CRADD: variants seen among roughly 807,000 people sequenced by gnomAD.
CRADD encodes death domain-containing protein CRADD.
A neutral mutation model predicts 15.5 loss-of-function variants in CRADD; 9 were observed. That is an observed-to-expected ratio of 0.58 (90% CI 0.35 to 1.01). The LOEUF (loss-of-function observed/expected upper bound fraction) is 1.01. CRADD is among the 50% of genes least tolerant of loss of function. The pLI is 0.02. For synonymous variants in CRADD, 118 were observed against 107.6 expected (o/e 1.10, Z -0.60); for missense variants, 227 against 250.3 (o/e 0.91, Z 0.63).
intron 2 of CRADD, among the ~76,000 whole-genome samples, chr12:93,718,302 C>T (rs2196425): frequency 0.17 from 26,205 of 152,138 alleles, 2,958 homozygotes; most frequent in East Asian, 0.39. Context: ...CATGGGATAT[C>T]TGTTTATTCA....
chr12:93,767,513 C>T (rs1046522363), intron 2 of CRADD, among the ~76,000 whole-genome samples: 3 of 152,170 alleles, frequency 2.0e-5, no homozygotes, highest in African/African-American at 7.2e-5. Flanking sequence ...TGTGTCAGGT[C>T]CTGTGTTTAG....
chr12:93,847,551 C>A (rs1318826434), intron 2 of CRADD, among the ~76,000 whole-genome samples: 1 of 112,694 alleles, frequency 8.9e-6, no homozygotes, highest in African/African-American at 3.3e-5. Context: ...ACCCAAATGA[C>A]TCAAATCAGA....
At chr12:93,847,874 GTA>G (rs1479140885) in intron 2 of CRADD, among the ~76,000 whole-genome samples, 3 of 152,160 alleles carry the variant, frequency 2.0e-5, no homozygotes, top group Non-Finnish European at 2.9e-5. Context: ...TTGTGTGTGT[GTA>G]TGTTTTCAAG....
intron 2 of CRADD, among the ~76,000 whole-genome samples, chr12:93,721,579 A>G (rs896956664): frequency 2.0e-5 from 3 of 152,212 alleles, no homozygotes; most frequent in African/African-American, 7.2e-5. Flanking sequence ...GCACATGTAC[A>G]GATGTTTTTC....
intron 2 of CRADD, among the ~76,000 whole-genome samples, chr12:93,703,133 C>G (rs1260611007): frequency 6.6e-6 from 1 of 151,964 alleles, no homozygotes; most frequent in Non-Finnish European, 1.5e-5. Context: ...CAGATCCAGC[C>G]AAAGACTGAT....
At position 93,841,281 on chromosome 12, in the gene CRADD, A is replaced by AT. The variant is rs778291068; in HGVS notation, c.299-8684dup. 2.2e-4 allele frequency among the ~76,000 whole-genome samples: 33 copies of AT among 152,282 alleles called. No homozygotes were observed. The Middle Eastern group carries it at 0.01, about 47-fold the overall frequency. ...AAATCGTAACTGAAACAAGCCTATA[A>AT]TTTTTCCTCTTCTTGTATTCTTACC... is the stretch of plus-strand genomic sequence containing the variant. On this transcript the variant is annotated intron_variant, in intron 2 of 2. Coordinates refer to ENST00000332896, the MANE Select transcript of CRADD (RefSeq NM_003805.5).
At chr12:93,725,957 G>A (rs1344428410) in intron 2 of CRADD, among the ~76,000 whole-genome samples, 1 of 152,118 alleles carries the variant, frequency 6.6e-6, no homozygotes, top group African/African-American at 2.4e-5. Flanking sequence ...ACATCGTGGG[G>A]CTGTATTCAA....
chr12:93,808,644 C>G (rs927078313), intron 2 of CRADD, among the ~76,000 whole-genome samples: 2 of 152,158 alleles, frequency 1.3e-5, no homozygotes, highest in African/African-American at 4.8e-5. Flanking sequence ...TTTTGGAGTG[C>G]TCTGCATTGC....
At chr12:93,868,611 G>A (rs986309932) in intron 2 of CRADD, among the ~76,000 whole-genome samples, 1 of 151,544 alleles carries the variant, frequency 6.6e-6, no homozygotes, top group African/African-American at 2.4e-5. Flanking sequence ...TTGAGTAATG[G>A]CAGAGTAGTT....
At chr12:93,808,685 G>A (rs1313466835) in intron 2 of CRADD, among the ~76,000 whole-genome samples, 1 of 152,106 alleles carries the variant, frequency 6.6e-6, no homozygotes, top group Non-Finnish European at 1.5e-5. Flanking sequence ...TGTGGCTTCA[G>A]TTGATACATT....
In CRADD at chr12:93,866,955, G is replaced by C. The variant is rs114394187; in HGVS notation, c.299-27095G>C. On this transcript the variant is annotated intron_variant, in intron 2 of 2. Transcript: ENST00000548483. ...ACTTCAGAGACCTTCTGTTTTTGCT[G>C]TCTCTAAACCACAAATTTCTGCTGA... Among the ~76,000 whole-genome samples, 137 of 152,194 alleles carry C rather than the reference G, an allele frequency of 9.0e-4. 1 individual carries two copies. The highest frequency in any genetic ancestry group is 3.2e-3 in the African/African-American group (132 of 41,498).
At chr12:93,833,483 C>T (rs930782491) in intron 2 of CRADD, among the ~76,000 whole-genome samples, 1 of 152,100 alleles carries the variant, frequency 6.6e-6, no homozygotes, top group African/African-American at 2.4e-5. Context: ...AGACCACAGG[C>T]ATGCACTACC....
At chr12:93,742,426 A>T (rs1167730289) in intron 2 of CRADD, among the ~76,000 whole-genome samples, 1 of 145,840 alleles carries the variant, frequency 6.9e-6, no homozygotes, top group Non-Finnish European at 1.5e-5. Flanking sequence ...GCGCGGCCCC[A>T]GCCGCCCTAG....
chr12:93,812,592 T>A (rs1194265966), intron 2 of CRADD, among the ~76,000 whole-genome samples: 1 of 152,186 alleles, frequency 6.6e-6, no homozygotes, highest in Non-Finnish European at 1.5e-5. Context: ...TGGGGCTAGA[T>A]GTATCAATTT....
chr12:93,726,614 A>T (rs1167873513), intron 2 of CRADD, among the ~76,000 whole-genome samples: 1 of 152,208 alleles, frequency 6.6e-6, no homozygotes, highest in Non-Finnish European at 1.5e-5. Context: ...AGATATATAC[A>T]TACATACATT....
rs547065307 is a variant in CRADD, at chr12:93,821,107, A to T, written c.299-28863A>T. 1.1e-4 allele frequency among the ~76,000 whole-genome samples: 16 copies of T among 152,334 alleles called. No homozygotes were observed. In the South Asian group the frequency reaches 3.3e-3, roughly 32 times the overall value. ...CGTTTTAATTAGTTGACACTATTAAAACAGAGATTTTACCTAAAATATAGA... is the reference window on the plus strand; with the variant it reads ...CGTTTTAATTAGTTGACACTATTAATACAGAGATTTTACCTAAAATATAGA... On this transcript the variant is annotated intron_variant, in intron 2 of 2. Transcript: ENST00000332896.
intron 2 of CRADD, among the ~76,000 whole-genome samples, chr12:93,823,310 AAAAG>A (rs1041930260): frequency 6.6e-6 from 1 of 152,032 alleles, no homozygotes; most frequent in Non-Finnish European, 1.5e-5. Flanking sequence ...AAAAAAAAAA[AAAAG>A]AAGAGGAAGA....
Position 93,699,184 on chromosome 12 carries a change from A to T in CRADD, c.298+20112A>T, listed in dbSNP as rs1234988279. ...TAGTTCTAAAATTGTTTTGAGAGTC[A>T]AAACTGGGGAGGCCTTTCTTCAGGG... On this transcript the variant is annotated intron_variant, in intron 2 of 2. Transcript: ENST00000332896. 2.6e-5 allele frequency among the ~76,000 whole-genome samples: 4 copies of T among 152,332 alleles called. No individual in the cohort carries two copies. In the East Asian group the frequency reaches 7.7e-4, roughly 29 times the overall value.
At chr12:93,713,971 G>A (rs1470805347) in intron 2 of CRADD, among the ~76,000 whole-genome samples, 3 of 152,186 alleles carry the variant, frequency 2.0e-5, no homozygotes, top group African/African-American at 4.8e-5. Flanking sequence ...AGGAACTGGT[G>A]GATATCACTG....
Sources: allele counts gnomAD v4.1 joint callset (sites outside exome capture counted in the v4.1 genomes callset), GRCh38; gene constraint gnomAD v4.1.1; transcripts MANE v1.5; gene names NCBI Gene and HGNC (gene_info 2026-07-23, HGNC 2026-07-21).